The following HR variants were observed in gnomAD, a reference collection of about 807,000 sequenced individuals.
HR encodes lysine-specific demethylase hairless.
In HR, 83 loss-of-function variants were observed where a neutral mutation model predicts 128.6. That is an observed-to-expected ratio of 0.65 (90% CI 0.54 to 0.77). The LOEUF is 0.77. Ranked by LOEUF, HR falls within the 30% of genes least tolerant of loss-of-function variation. The pLI is 0.00. For synonymous variants in HR, 681 were observed against 658.2 expected, an observed-to-expected ratio of 1.03 and a Z score of -0.53; for missense variants, 1,490 against 1,574.6, an observed-to-expected ratio of 0.95 and a Z score of 0.91.
At chr8:22,128,124 C>A in intron 2 of HR, 1 of 553,196 alleles carries the variant, frequency 1.8e-6, no homozygotes, top group Non-Finnish European at 3.2e-6. Flanking sequence ...TGTCCTGTGC[C>A]ATACTGAGTT....
At position 22,128,794 on chromosome 8, in the gene HR, T is replaced by A. The variant is rs757253975; in HGVS notation, c.377A>T (p.His126Leu). The change falls in exon 2 of 19, where the codon CAT (histidine) becomes CTT (leucine). Residue 126 changes from histidine to leucine, a missense_variant. By Grantham distance (99) the His-to-Leu change is moderately conservative (BLOSUM62 -3). Around this residue, in one of 3 missense-constraint regions of HR, gnomAD observed 1,060 missense variants for 1,060.9 expected, o/e 1.00. Coordinates refer to ENST00000381418, the MANE Select transcript of HR (RefSeq NM_005144.5). ...GTCACTCTTGAGATGGCCACCACTA[T>A]GCTCAGGCATCAGGGGGCCACAGCG... ...PPRCGPLMPE[H>L]SGGHLKSDPV... 6.2e-6 allele frequency: 10 copies of A among 1,612,214 alleles called. 1 individual carries two copies. In the South Asian group the frequency reaches 9.9e-5, roughly 16 times the overall value.
intron 12 of HR, 24 bp downstream of exon 12, chr8:22,120,318 C>T (rs1826707857): frequency 1.9e-6 from 3 of 1,613,572 alleles, no homozygotes; most frequent in African/African-American, 2.7e-5. Flanking sequence ...CCAGCTCCCT[C>T]TCCCCTGTGT....
chr8:22,117,861 T>A (rs908087508), intron 16 of HR: 4 of 152,332 alleles, frequency 2.6e-5, no homozygotes, highest in African/African-American at 4.8e-5. Context: ...GTGAAGCAAA[T>A]TGGACCCTAG....
In HR at chr8:22,126,128, G is replaced by A. The variant is rs542507382; in HGVS notation, c.1406-396C>T. Among the ~76,000 whole-genome samples, 8 of 152,308 alleles carry A rather than the reference G, an allele frequency of 5.3e-5. No individual in the cohort carries two copies. In the East Asian group the frequency reaches 7.7e-4, roughly 15 times the overall value. On this transcript the variant is annotated intron_variant, in intron 3 of 18. Coordinates refer to ENST00000381418, the MANE Select transcript of HR (RefSeq NM_005144.5). Reference sequence around the variant, plus strand: ...GACAATCCCAACGTGGACGGAGGGCGCCGGAAGGTGAGAAGGGCCAGAGAG... The same window carrying A: ...GACAATCCCAACGTGGACGGAGGGCACCGGAAGGTGAGAAGGGCCAGAGAG...
chr8:22,129,214 G>A lies in HR; in HGVS notation c.-40-4C>T. On this transcript the variant is annotated splice_region_variant and splice_polypyrimidine_tract_variant and intron_variant, in intron 1 of 18. Coordinates refer to ENST00000381418, the MANE Select transcript of HR (RefSeq NM_005144.5). ...GGGCTCTCCCAGAGGGGGGTCCCTG[G>A]AGCATAACCATCAAAGCATGAGCTT... 1 of 1,514,150 alleles carries A rather than the reference G, an allele frequency of 6.6e-7. No individual in the cohort carries two copies. Among genetic ancestry groups the A allele is most frequent in the South Asian group, 1.3e-5 (1 of 74,438 alleles). 93.8% of individuals were successfully genotyped at this position (1,514,150 alleles called of 1,614,324 possible). A position where few individuals can be genotyped will look rare whatever the true frequency, so the allele number is the denominator to read the frequency against.
chr8:22,123,031 A>G lies in HR; in HGVS notation c.1916-152T>C, dbSNP rs1417432633. 28 of 737,366 alleles carry G rather than the reference A, an allele frequency of 3.8e-5. No individual in the cohort carries two copies. The East Asian group carries it at 6.7e-4, about 18-fold the overall frequency. 45.7% of individuals were successfully genotyped at this position (737,366 alleles called of 1,614,324 possible). Reference sequence around the variant, plus strand: ...GGAAACCTGGGTCACATAGAGACACAGCATTCTTTGCTTGTAGAATGCTAC... The same window carrying G: ...GGAAACCTGGGTCACATAGAGACACGGCATTCTTTGCTTGTAGAATGCTAC... On this transcript the variant is annotated intron_variant, in intron 6 of 18. Coordinates refer to ENST00000381418, the MANE Select transcript of HR (RefSeq NM_005144.5).
chr8:22,119,019 G>C lies in HR; in HGVS notation c.3144C>G (p.Ser1048Arg). Residue 1048 changes from serine (S) to arginine (R), a missense_variant, in exon 16 of 19, where the codon AGC (serine) becomes AGG (arginine). By Grantham distance (110) the Ser-to-Arg change is moderately radical. Transcript: ENST00000381418. ...LDGEGLWSPG[S>R]QVSTVWHVFR... The stretch of plus-strand genomic sequence containing the variant: ...ACACGTGCCACACAGTGCTGACCTG[G>C]CTGCCCGGAGACCAGAGCCCCTCCC... 1 of 1,613,210 alleles carries C rather than the reference G, an allele frequency of 6.2e-7. No individual in the cohort carries two copies.
intron 3 of HR, among the ~76,000 whole-genome samples, chr8:22,126,220 C>G (rs1826886315): frequency 6.6e-6 from 1 of 152,230 alleles, no homozygotes; most frequent in African/African-American, 2.4e-5. Context: ...CCAGCCAGGG[C>G]AGAGGCCTGG....
At chr8:22,129,280 G>C (rs1826989438) in intron 1 of HR, 70 bp from the exon 2 acceptor site, 4 of 1,363,514 alleles carry the variant, frequency 2.9e-6, no homozygotes, top group South Asian at 3.0e-5. Context: ...CTGGCACAGA[G>C]TGGGCACCGC....
At chr8:22,121,792 T>C in intron 8 of HR, 98 bp from the exon 9 acceptor site, 1 of 1,252,970 alleles carries the variant, frequency 8.0e-7, no homozygotes, top group South Asian at 1.2e-5. Context: ...TGGACTCTTG[T>C]CAGTCCTAAA....
chr8:22,115,874 T>C (rs1437685046), intron 18 of HR, 112 bp from the exon 19 acceptor site: 6 of 1,062,276 alleles, frequency 5.6e-6, no homozygotes, highest in Non-Finnish European at 8.5e-6. Flanking sequence ...CTCACACCTG[T>C]AATCCCAGCA....
intron 16 of HR, 127 bp downstream of exon 16, chr8:22,118,808 TGTCTGTGCGAGTTGG>T (rs1826656190): frequency 7.2e-6 from 5 of 692,970 alleles, no homozygotes; most frequent in Non-Finnish European, 1.2e-5. Flanking sequence ...TCTCTGCACC[TGTCTGTGCGAGTTGG>T]GTCTGTGCAG....
At position 22,130,722 on chromosome 8, in the gene HR, T is replaced by G. The variant is rs2131772368; in HGVS notation, c.-335A>C. ...AGGTTGCGCCATGGGACGCCGAGACTCCGTGCTGCGCCGCGGGGAGGGCCG... is the reference window on the plus strand; with the variant it reads ...AGGTTGCGCCATGGGACGCCGAGACGCCGTGCTGCGCCGCGGGGAGGGCCG... On this transcript the variant is annotated 5_prime_UTR_variant, in exon 1 of 19. Coordinates refer to ENST00000381418, the MANE Select transcript of HR (RefSeq NM_005144.5). The G allele has an allele frequency of 6.6e-6, 1 of 152,228 alleles. No homozygotes were observed. Among genetic ancestry groups the G allele is most frequent in the African/African-American group, 2.4e-5 (1 of 41,508 alleles). 9.4% of individuals were successfully genotyped at this position (152,228 alleles called of 1,614,324 possible).
chr8:22,120,266 C>G, intron 12 of HR, 76 bp downstream of exon 12: 1 of 1,611,396 alleles, frequency 6.2e-7, no homozygotes, highest in Non-Finnish European at 8.5e-7. Context: ...CTCGGGGTCA[C>G]CCTGGGACTC....
intron 9 of HR, 64 bp from the exon 10 acceptor site, chr8:22,121,292 C>A: frequency 6.4e-7 from 1 of 1,573,334 alleles, no homozygotes; most frequent in South Asian, 1.2e-5. Flanking sequence ...TCGAGGCCCT[C>A]TTGCCCATGC....
In HR at chr8:22,130,538, C is replaced by G. The variant is rs917462642; in HGVS notation, c.-151G>C. The G allele has an allele frequency of 1.3e-4, 20 of 152,252 alleles. No individual in the cohort carries two copies. Among genetic ancestry groups the G allele is most frequent in the African/African-American group, 4.6e-4 (19 of 41,462 alleles). The allele number at this position is 152,252 out of a possible 1,614,324, so 9.4% of individuals were successfully genotyped here. ...GGGCCTCCCGGCCGGCGGGCGAGGA[C>G]GCGTTCTCCCGCTCTGTCTGCTCAG... On this transcript the variant is annotated 5_prime_UTR_variant, in exon 1 of 19. Transcript: ENST00000381418.
At position 22,118,978 on chromosome 8, in the gene HR, G is replaced by A. The variant is rs1178210332; in HGVS notation, c.3185C>T (p.Ala1062Val). ...CTGGAGAAAGCGGCGGATGCGCTGG[G>A]CGTCCTGTGCCCGGAACACGTGCCA... The part of the protein sequence containing the change: ...TVWHVFRAQD[A>V]QRIRRFLQMV... The change falls in exon 16 of 19, where the codon GCC (alanine) becomes GTC (valine). Residue 1062 changes from alanine to valine, a missense_variant. This residue lies in a region of HR where 423 missense variants were observed against 495.9 expected (regional missense o/e 0.85). Transcript: ENST00000381418. 1 of 1,612,052 alleles carries A rather than the reference G, an allele frequency of 6.2e-7. No homozygotes were observed. The highest frequency in any genetic ancestry group is 1.3e-5 in the African/African-American group (1 of 74,928).
rs942353341 is a variant in HR at position 22,116,610 on chromosome 8, G to T, written c.3379-182C>A. Among the ~76,000 whole-genome samples the T allele has an allele frequency of 1.3e-5, 2 of 151,376 alleles. No homozygotes were observed. Among genetic ancestry groups the T allele is most frequent in the African/African-American group, 2.4e-5 (1 of 41,008 alleles). On this transcript the variant is annotated intron_variant, in intron 17 of 18. Transcript: ENST00000381418. This position sits in a 1 kb window ranked among gnomAD's most constrained non-coding sequence, Gnocchi z 4.2. ...GTGGCCAAAACCGGGACTCAGAACTGCTGGAGAGACCCTAAAGTCTCCCTG... is the reference window on the plus strand; with the variant it reads ...GTGGCCAAAACCGGGACTCAGAACTTCTGGAGAGACCCTAAAGTCTCCCTG...
chr8:22,116,755 T>G lies in HR; in HGVS notation c.3378+120A>C. 2 of 1,344,718 alleles carry G rather than the reference T, an allele frequency of 1.5e-6. No homozygotes were observed. The highest frequency in any genetic ancestry group is 2.1e-6 in the Non-Finnish European group (2 of 973,808). The allele number at this position is 1,344,718 out of a possible 1,614,324, so 83.3% of individuals were successfully genotyped here. A position where few individuals can be genotyped will look rare whatever the true frequency, so the allele number is the denominator to read the frequency against. On this transcript the variant is annotated intron_variant, in intron 17 of 18. Transcript: ENST00000381418. The surrounding 1 kb of genome is among the most constrained non-coding windows in gnomAD (Gnocchi z 4.2). ...CCGTTATCTCTTCCCCACAGCAGCG[T>G]GCGGCTCCCTGCCCTGCCCGGCTCT...
Sources: gnomAD v4.1 joint callset for allele counts (sites outside exome capture counted in the v4.1 genomes callset) on GRCh38, gnomAD v4.1.1 for gene constraint, gnomAD v4.1.1 regional missense constraint, Gnocchi (gnomAD v3.1) non-coding constraint, MANE v1.5 for transcripts, NCBI Gene and HGNC (gene_info 2026-07-23, HGNC 2026-07-21) for gene names.